NELL1: variants seen among roughly 807,000 people sequenced by gnomAD.
The protein encoded by NELL1 is protein kinase C-binding protein NELL1.
Under a neutral mutation model 107.4 loss-of-function variants are expected in NELL1, and 76 were observed. The ratio of observed to expected loss-of-function variants is 0.71; its 90% CI spans 0.59 to 0.86. NELL1 has a LOEUF of 0.86. Ranked by LOEUF, NELL1 falls within the 40% of genes least tolerant of loss-of-function variation. NELL1 has a pLI of 0.00. For missense variants in NELL1, 1,024 were observed against 1,005.5 expected, an observed-to-expected ratio of 1.02 and a Z score of -0.25; for synonymous variants, 353 against 341.2, an observed-to-expected ratio of 1.03 and a Z score of -0.38.
At chr11:20,924,641 G>A (rs1438844306) in intron 7 of NELL1, among the ~76,000 whole-genome samples, 1 of 152,096 alleles carries the variant, frequency 6.6e-6, no homozygotes, top group Admixed American at 6.6e-5. Flanking sequence ...TTCCCTTCTT[G>A]GAGTGATATA....
intron 5 of NELL1, among the ~76,000 whole-genome samples, chr11:20,886,897 C>G (rs1056355719): frequency 6.6e-6 from 1 of 150,668 alleles, no homozygotes; most frequent in African/African-American, 2.4e-5. Context: ...ATTTAATGTA[C>G]AGTGTCACAA....
At chr11:20,820,424 G>A (rs1519744) in intron 3 of NELL1, among the ~76,000 whole-genome samples, 146,593 of 152,270 alleles carry the variant, frequency 0.96, 70,807 homozygotes, top group East Asian at 1. Context: ...TGAGAGGCAG[G>A]TCACTCAACA....
chr11:21,550,978 G>C (rs1352524735), intron 16 of NELL1, among the ~76,000 whole-genome samples: 2 of 151,014 alleles, frequency 1.3e-5, no homozygotes, highest in Non-Finnish European at 3.0e-5. Context: ...CATGAGCATG[G>C]AATGTTCTTC....
chr11:20,790,128 C>T (rs1857044835), intron 3 of NELL1, among the ~76,000 whole-genome samples: 1 of 152,174 alleles, frequency 6.6e-6, no homozygotes, highest in Non-Finnish European at 1.5e-5. Flanking sequence ...AGCCATCAGG[C>T]CCTCCCTGGC....
At chr11:20,910,029 C>T (rs950861137) in intron 5 of NELL1, among the ~76,000 whole-genome samples, 2 of 152,066 alleles carry the variant, frequency 1.3e-5, no homozygotes, top group African/African-American at 2.4e-5. Context: ...TGATAAGGAT[C>T]GGTCTTGGTT....
At chr11:20,919,982 G>A (rs765088920) in intron 7 of NELL1, among the ~76,000 whole-genome samples, 2 of 152,086 alleles carry the variant, frequency 1.3e-5, no homozygotes, top group Non-Finnish European at 2.9e-5. Flanking sequence ...AAAAAGACAC[G>A]CTTTCTACCC....
chr11:20,894,628 G>T (rs1849686580), intron 5 of NELL1, among the ~76,000 whole-genome samples: 1 of 152,170 alleles, frequency 6.6e-6, no homozygotes, highest in Non-Finnish European at 1.5e-5. Context: ...CCATGTATTT[G>T]CAAGGATGTG....
intron 13 of NELL1, among the ~76,000 whole-genome samples, chr11:21,119,349 C>A (rs1855309344): frequency 6.9e-6 from 1 of 144,792 alleles, no homozygotes; most frequent in Admixed American, 7.0e-5. Context: ...GAACAGGAAA[C>A]TTTAGCTCTT....
At position 20,730,855 on chromosome 11, in the gene NELL1, C is replaced by T. The variant is rs188023438; in HGVS notation, c.184+52795C>T. Among the ~76,000 whole-genome samples, 35 of 152,162 alleles carry T rather than the reference C, an allele frequency of 2.3e-4. No homozygotes were observed. In the East Asian group the frequency reaches 5.2e-3, roughly 23 times the overall value. On this transcript the variant is annotated intron_variant, in intron 2 of 19. Coordinates refer to ENST00000357134, the MANE Select transcript of NELL1 (RefSeq NM_006157.5). Reference sequence around the variant, plus strand: ...GCTGGATGAGGAGTATAGTTTATACCCAAGGAAGAACTTCCTAACTTCAAA... The same window carrying T: ...GCTGGATGAGGAGTATAGTTTATACTCAAGGAAGAACTTCCTAACTTCAAA...
chr11:20,711,072 G>T (rs1047783431), intron 2 of NELL1, among the ~76,000 whole-genome samples: 1 of 151,710 alleles, frequency 6.6e-6, no homozygotes, highest in Non-Finnish European at 1.5e-5. Flanking sequence ...CTGAGTTTAG[G>T]TTTGGTTTGT....
At chr11:21,206,082 C>T (rs1857383487) in intron 13 of NELL1, among the ~76,000 whole-genome samples, 1 of 152,074 alleles carries the variant, frequency 6.6e-6, no homozygotes, top group Non-Finnish European at 1.5e-5. Context: ...GCTTCTATAA[C>T]AAATTGTCAT....
intron 15 of NELL1, among the ~76,000 whole-genome samples, chr11:21,394,145 C>A (rs942715119): frequency 6.6e-6 from 1 of 151,574 alleles, no homozygotes; most frequent in Non-Finnish European, 1.5e-5. Context: ...TCCTTTACTT[C>A]TTACACTCAT....
chr11:20,745,850 G>A (rs1279262507), intron 2 of NELL1, among the ~76,000 whole-genome samples: 1 of 152,264 alleles, frequency 6.6e-6, no homozygotes, highest in African/African-American at 2.4e-5. Context: ...GAACACATAG[G>A]AAGTAATGGC....
intron 13 of NELL1, among the ~76,000 whole-genome samples, chr11:21,152,147 T>C (rs1052517629): frequency 6.6e-6 from 1 of 152,198 alleles, no homozygotes; most frequent in Admixed American, 6.5e-5. Flanking sequence ...GTTCGGTATG[T>C]TTTCCAGCAA....
intron 2 of NELL1, among the ~76,000 whole-genome samples, chr11:20,714,873 C>T (rs1323196287): frequency 6.6e-6 from 1 of 152,038 alleles, no homozygotes; most frequent in Non-Finnish European, 1.5e-5. Flanking sequence ...AGTACGTTCA[C>T]CTTATATAAG....
chr11:21,498,104 A>G (rs1406482951), intron 15 of NELL1, among the ~76,000 whole-genome samples: 1 of 151,854 alleles, frequency 6.6e-6, no homozygotes, highest in African/African-American at 2.4e-5. Context: ...TTACACTAGA[A>G]TTATTTTAGT....
chr11:21,062,286 CT>C (rs1853760368), intron 12 of NELL1, among the ~76,000 whole-genome samples: 2 of 152,112 alleles, frequency 1.3e-5, no homozygotes, highest in Admixed American at 6.6e-5. Context: ...TGAACATTAG[CT>C]TTACCCTTTT....
chr11:21,018,083 C>T (rs927274482), intron 12 of NELL1, among the ~76,000 whole-genome samples: 1 of 152,076 alleles, frequency 6.6e-6, no homozygotes, highest in African/African-American at 2.4e-5. Flanking sequence ...GGAGAGTCCT[C>T]TTTGATCCTG....
chr11:21,439,154 A>G (rs537357447), intron 15 of NELL1, among the ~76,000 whole-genome samples: 14 of 152,090 alleles, frequency 9.2e-5, no homozygotes, highest in African/African-American at 2.9e-4. Flanking sequence ...TAGACAAGTC[A>G]ACTAAAAATA....
Sources: gnomAD v4.1 joint callset for allele counts (sites outside exome capture counted in the v4.1 genomes callset) on GRCh38, gnomAD v4.1.1 for gene constraint, MANE v1.5 for transcripts, NCBI Gene and HGNC (gene_info 2026-07-23, HGNC 2026-07-21) for gene names.